Variants in RPA1 observed in about 807,000 individuals in gnomAD.
RPA1 encodes replication protein A 70 kDa DNA-binding subunit.
A neutral mutation model predicts 83.0 loss-of-function variants in RPA1; 49 were observed. The ratio of observed to expected loss-of-function variants is 0.59; its 90% CI spans 0.47 to 0.75. RPA1 has a LOEUF of 0.75. Ranked by LOEUF, RPA1 falls within the 30% of genes least tolerant of loss-of-function variation. The pLI, the probability that RPA1 is intolerant of heterozygous loss-of-function variation, is 0.00. For missense variants in RPA1, 693 were observed against 776.1 expected, an observed-to-expected ratio of 0.89 and a Z score of 1.27; for synonymous variants, 279 against 281.8, an observed-to-expected ratio of 0.99 and a Z score of 0.10.
intron 5 of RPA1, 110 bp from the exon 6 acceptor site, chr17:1,872,324 T>G: frequency 6.7e-7 from 1 of 1,486,840 alleles, no homozygotes; most frequent in South Asian, 1.3e-5. Context: ...CATGGGAGTC[T>G]TTGACAAAAT....
chr17:1,839,981 C>CG, intron 1 of RPA1, among the ~76,000 whole-genome samples: 1 of 151,368 alleles, frequency 6.6e-6, no homozygotes, highest in South Asian at 2.1e-4. Context: ...TTTGTAGAGA[C>CG]GGGGTTTCAC....
At chr17:1,853,949 T>A (rs1912594808) in intron 5 of RPA1, among the ~76,000 whole-genome samples, 1 of 152,196 alleles carries the variant, frequency 6.6e-6, no homozygotes, top group Non-Finnish European at 1.5e-5. Context: ...GTAGAGATCA[T>A]GTTTGTTCTA....
Position 1,879,621 on chromosome 17 carries a change from CAG to C in RPA1, c.1018_1019del (p.Glu340SerfsTer26). 1 of 1,614,250 alleles carries C rather than the reference CAG, an allele frequency of 6.2e-7. No individual in the cohort carries two copies. The highest frequency in any genetic ancestry group is 8.5e-7 in the Non-Finnish European group (1 of 1,180,050). ...CTAAAATCACAGTGAGGTCTAACAA[CAG>C]AGAAGTTGCCAAGAGGAATATCTAC... ...ATKITVRSNN[R>X]EVAKRNIYLM... On this transcript the variant is annotated frameshift_variant, in exon 11 of 17. Coordinates refer to ENST00000254719, the MANE Select transcript of RPA1 (RefSeq NM_002945.5). LOFTEE classifies it high-confidence loss of function.
At chr17:1,846,575 C>T (rs547679233) in intron 4 of RPA1, among the ~76,000 whole-genome samples, 4 of 152,170 alleles carry the variant, frequency 2.6e-5, no homozygotes, top group Non-Finnish European at 5.9e-5. Flanking sequence ...CTGCCTCAGC[C>T]TCCCAAAGTG....
intron 1 of RPA1, among the ~76,000 whole-genome samples, chr17:1,834,175 C>T (rs1911722393): frequency 6.6e-6 from 1 of 151,388 alleles, no homozygotes; most frequent in African/African-American, 2.4e-5. Flanking sequence ...GTGAGACTGT[C>T]TCAAAAAAAA....
intron 2 of RPA1, among the ~76,000 whole-genome samples, chr17:1,843,070 A>C (rs1912118387): frequency 6.6e-6 from 1 of 152,040 alleles, no homozygotes; most frequent in Non-Finnish European, 1.5e-5. Context: ...TTGGAGATTC[A>C]GACTGAAGGC....
In RPA1 at chr17:1,884,899, G is replaced by C. The variant is rs17339018; in HGVS notation, c.1374+955G>C. Among the ~76,000 whole-genome samples the C allele has an allele frequency of 7.1e-3, 1,081 of 152,308 alleles. 14 individuals are homozygous for C. Among genetic ancestry groups the C allele is most frequent in the African/African-American group, 0.025 (1,020 of 41,562 alleles). On this transcript the variant is annotated intron_variant, in intron 13 of 16. Coordinates refer to ENST00000254719, the MANE Select transcript of RPA1 (RefSeq NM_002945.5). The surrounding 1 kb of genome is among the most constrained non-coding windows in gnomAD (Gnocchi z 4.1). ...TCATCTGAGTCGTAATCTTCTTGCT[G>C]GTGGGGGTTTGTTTCAGGGTTGATG...
intron 4 of RPA1, among the ~76,000 whole-genome samples, chr17:1,851,836 G>A (rs1185476661): frequency 7.7e-5 from 5 of 65,094 alleles, no homozygotes; most frequent in Non-Finnish European, 3.3e-4. Context: ...AAACTCTGAT[G>A]TGAAACCTGA....
At chr17:1,837,542 A>G (rs996693436) in intron 1 of RPA1, among the ~76,000 whole-genome samples, 3 of 152,172 alleles carry the variant, frequency 2.0e-5, no homozygotes, top group African/African-American at 7.2e-5. Context: ...GAAATCGCCA[A>G]CCTTTTCCAG....
chr17:1,854,305 A>G (rs1317942870), intron 5 of RPA1: 1 of 152,224 alleles, frequency 6.6e-6, no homozygotes, highest in Non-Finnish European at 1.5e-5. Context: ...TTTTCAAGTT[A>G]GAAAATGAAA....
At chr17:1,839,263 A>G (rs1911946821) in intron 1 of RPA1, among the ~76,000 whole-genome samples, 1 of 152,136 alleles carries the variant, frequency 6.6e-6, no homozygotes, top group African/African-American at 2.4e-5. Flanking sequence ...CATCATAAAC[A>G]TTGAAGATTT....
At chr17:1,879,791 A>G in intron 11 of RPA1, 92 bp downstream of exon 11, 3 of 1,509,936 alleles carry the variant, frequency 2.0e-6, no homozygotes, top group Non-Finnish European at 1.8e-6. Flanking sequence ...CAGCACACAC[A>G]GGAGGAGCTC....
At chr17:1,871,288 T>A (rs1913368544) in intron 5 of RPA1, among the ~76,000 whole-genome samples, 1 of 152,224 alleles carries the variant, frequency 6.6e-6, no homozygotes, top group Admixed American at 6.5e-5. Flanking sequence ...TTATGCTAAA[T>A]TTATTTTACT....
chr17:1,878,855 C>A, intron 8 of RPA1, 138 bp from the exon 9 acceptor site: 2 of 757,042 alleles, frequency 2.6e-6, no homozygotes, highest in South Asian at 1.7e-5. Flanking sequence ...CTCTCTGGAC[C>A]CTGTTTGTGC....
intron 16 of RPA1, among the ~76,000 whole-genome samples, chr17:1,895,843 C>T (rs772083290): frequency 1.1e-4 from 16 of 151,894 alleles, no homozygotes; most frequent in Non-Finnish European, 2.2e-4. Context: ...CCACCATGCC[C>T]GGCTAATTTT....
intron 15 of RPA1, among the ~76,000 whole-genome samples, chr17:1,894,343 T>C (rs1359986765): frequency 6.6e-6 from 1 of 152,010 alleles, no homozygotes; most frequent in African/African-American, 2.4e-5. Flanking sequence ...ATTTTTGTGT[T>C]TTTAGTAGAG....
At chr17:1,843,267 G>A (rs1912124966) in intron 2 of RPA1, among the ~76,000 whole-genome samples, 1 of 151,722 alleles carries the variant, frequency 6.6e-6, no homozygotes, top group Admixed American at 6.6e-5. Flanking sequence ...AAACTTCAGT[G>A]GGAGTTTTGA....
At chr17:1,838,162 G>C (rs1043667856) in intron 1 of RPA1, among the ~76,000 whole-genome samples, 4 of 148,216 alleles carry the variant, frequency 2.7e-5, no homozygotes, top group Admixed American at 2.0e-4. Flanking sequence ...GTGGTGGCAG[G>C]CACCTGTAGT....
chr17:1,888,622 G>A (rs962719262), intron 13 of RPA1, 53 bp from the exon 14 acceptor site: 41 of 1,560,638 alleles, frequency 2.6e-5, no homozygotes, highest in South Asian at 1.5e-4. Context: ...CTCTCGGTCC[G>A]ATCCTGGGCG....
Sources: allele counts gnomAD v4.1 joint callset (sites outside exome capture counted in the v4.1 genomes callset), GRCh38; gene constraint gnomAD v4.1.1; non-coding constraint Gnocchi (gnomAD v3.1); transcripts MANE v1.5; gene names NCBI Gene and HGNC (gene_info 2026-07-23, HGNC 2026-07-21).